Variants in EYA1 observed in about 807,000 individuals in gnomAD.
EYA1 encodes the protein protein phosphatase EYA1.
In EYA1, 16 loss-of-function variants were observed where a neutral mutation model predicts 82.0. The ratio of observed to expected loss-of-function variants is 0.20; its 90% CI spans 0.13 to 0.30. The LOEUF (loss-of-function observed/expected upper bound fraction) is 0.30, where lower values mean the gene tolerates loss of function less well. Ranked by LOEUF, EYA1 falls within the 10% of genes least tolerant of loss-of-function variation. The pLI is 1.00. For synonymous variants in EYA1, 261 were observed against 264.4 expected, an observed-to-expected ratio of 0.99 and a Z score of 0.12; for missense variants, 633 against 730.7, an observed-to-expected ratio of 0.87 and a Z score of 1.54.
intron 2 of EYA1, among the ~76,000 whole-genome samples, chr8:71,377,247 A>G (rs2129095985): frequency 6.6e-6 from 1 of 152,316 alleles, no homozygotes; most frequent in East Asian, 1.9e-4. Context: ...ATGTGGTGGA[A>G]GAGAAGTCGC....
intron 1 of EYA1, among the ~76,000 whole-genome samples, chr8:71,540,049 T>C (rs540240557): frequency 9.2e-5 from 14 of 152,176 alleles, no homozygotes; most frequent in Non-Finnish European, 1.6e-4. Context: ...TGATATTTTA[T>C]GCCCTATTGC....
At chr8:71,233,303 G>A (rs889811011) in intron 12 of EYA1, among the ~76,000 whole-genome samples, 2 of 152,036 alleles carry the variant, frequency 1.3e-5, no homozygotes, top group East Asian at 1.9e-4. Context: ...GGTGGCTCAT[G>A]CCTGTAATCC....
intron 2 of EYA1, among the ~76,000 whole-genome samples, chr8:71,445,305 T>C (rs1385523299): frequency 2.0e-5 from 3 of 152,164 alleles, no homozygotes; most frequent in Non-Finnish European, 2.9e-5. Context: ...ATACTTTCAC[T>C]AGTGATTTAA....
In EYA1 at chr8:71,321,737, A is replaced by T. The variant is rs763614581; in HGVS notation, c.415T>A (p.Tyr139Asn). 1.2e-6 allele frequency: 2 copies of T among 1,614,094 alleles called. No homozygotes were observed. The highest frequency in any genetic ancestry group is 3.3e-5 in the Admixed American group (2 of 60,024). Residue 139 changes from tyrosine (Y) to asparagine (N), a missense_variant, in exon 6 of 18, where the codon TAT (tyrosine) becomes AAT (asparagine). Coordinates refer to ENST00000340726, the MANE Select transcript of EYA1 (RefSeq NM_000503.6). ...QPGQPYGISS[Y>N]GALWAGIKTE... ...ACTACAGTTGCAGGTTACTCACCAT[A>T]TGAGGAAATGCCGTACGGCTGTCCT...
chr8:71,365,394 T>C (rs1827694796), upstream of EYA1, among the ~76,000 whole-genome samples: 1 of 152,158 alleles, frequency 6.6e-6, no homozygotes, highest in Admixed American at 6.6e-5. Flanking sequence ...TTTCTATGCT[T>C]CTTATGAGAT....
In EYA1 at chr8:71,417,163, AGAT is replaced by A. The variant is rs1372237091; in HGVS notation, c.34-60655_34-60653del. ...CTGGCTTCCTTGATCCTCAGCTTGCAGATGGCCTATTGTGGGACCTCACCTTGT... is the reference window on the plus strand; with the variant it reads ...CTGGCTTCCTTGATCCTCAGCTTGCAGGCCTATTGTGGGACCTCACCTTGT... On this transcript the variant is annotated intron_variant, in intron 2 of 18. Transcript: ENST00000643681. Among the ~76,000 whole-genome samples, 3 of 152,346 alleles carry A rather than the reference AGAT, an allele frequency of 2.0e-5. No homozygotes were observed. The East Asian group carries it at 5.8e-4, about 29-fold the overall frequency.
intron 9 of EYA1, among the ~76,000 whole-genome samples, chr8:71,272,574 G>C (rs1473350044): frequency 6.6e-6 from 1 of 152,046 alleles, no homozygotes; most frequent in African/African-American, 2.4e-5. Context: ...GTAACTCAGA[G>C]AAGCCACTAA....
upstream of EYA1, among the ~76,000 whole-genome samples, chr8:71,366,397 C>T (rs1827756279): frequency 6.6e-6 from 1 of 152,110 alleles, no homozygotes; most frequent in South Asian, 2.1e-4. Context: ...TTAATCTCAG[C>T]GATAAGTTAT....
chr8:71,307,768 C>T (rs955300909), intron 7 of EYA1, among the ~76,000 whole-genome samples: 3 of 152,188 alleles, frequency 2.0e-5, no homozygotes, highest in Admixed American at 6.5e-5. Context: ...CACATACCAT[C>T]GGAGCATGCC....
At chr8:71,294,470 A>ACAAG (rs1481687964) in intron 9 of EYA1, among the ~76,000 whole-genome samples, 1 of 151,614 alleles carries the variant, frequency 6.6e-6, no homozygotes. Flanking sequence ...AAACAAACAA[A>ACAAG]CAAAAAAAAC....
At chr8:71,334,309 T>C (rs1274715332) in intron 3 of EYA1, 135 bp from the exon 4 acceptor site, 3 of 763,304 alleles carry the variant, frequency 3.9e-6, no homozygotes, top group African/African-American at 1.7e-5. Flanking sequence ...ACATATATCA[T>C]AAGCATAAAT....
At position 71,361,832 on chromosome 8, in the gene EYA1, G is replaced by GCAGGCGC; in HGVS notation, c.-247_-241dup. On this transcript the variant is annotated 5_prime_UTR_variant, in exon 1 of 18. It removes the in-frame stop codon of an upstream open reading frame in the 5' UTR. Transcript: ENST00000340726. ...TGCAGGGGAAAGCTCGGCGCAGGGG[G>GCAGGCGC]CAGGCGCCTGGCCGCTGCCGCAGGC... The GCAGGCGC allele has an allele frequency of 1.0e-6, 1 of 985,452 alleles. No individual in the cohort carries two copies. The highest frequency in any genetic ancestry group is 1.2e-6 in the Non-Finnish European group (1 of 829,930). 61.0% of individuals were successfully genotyped at this position (985,452 alleles called of 1,614,324 possible). A position where few individuals can be genotyped will look rare whatever the true frequency, so the allele number is the denominator to read the frequency against.
intron 2 of EYA1, among the ~76,000 whole-genome samples, chr8:71,376,894 C>T (rs577601545): frequency 1.3e-5 from 2 of 152,222 alleles, no homozygotes; most frequent in South Asian, 4.1e-4. Context: ...TGCCCAGGCT[C>T]CCTCCGCAGA....
chr8:71,429,745 A>T (rs558348783), intron 2 of EYA1, among the ~76,000 whole-genome samples: 8 of 152,288 alleles, frequency 5.3e-5, no homozygotes, highest in African/African-American at 1.9e-4. Context: ...GTATTTCCAG[A>T]TAGCATTTCT....
At chr8:71,458,965 T>C (rs562325346) in intron 2 of EYA1, among the ~76,000 whole-genome samples, 1 of 152,212 alleles carries the variant, frequency 6.6e-6, no homozygotes, top group African/African-American at 2.4e-5. Flanking sequence ...TTCTATGACA[T>C]TGACAAGAGT....
intron 2 of EYA1, among the ~76,000 whole-genome samples, chr8:71,496,837 G>A (rs970996081): frequency 1.3e-4 from 19 of 151,048 alleles, no homozygotes; most frequent in Admixed American, 1.1e-3. Flanking sequence ...AAATTCTCAA[G>A]AGCCAGAAAA....
At chr8:71,278,374 T>C (rs1389715793) in intron 9 of EYA1, among the ~76,000 whole-genome samples, 2 of 152,234 alleles carry the variant, frequency 1.3e-5, no homozygotes, top group Non-Finnish European at 2.9e-5. Context: ...TGTTTTCTTA[T>C]ACATATTGCC....
At chr8:71,215,587 T>C in intron 15 of EYA1, 27 bp downstream of exon 15, 1 of 1,610,072 alleles carries the variant, frequency 6.2e-7, no homozygotes, top group Non-Finnish European at 8.5e-7. Context: ...GCCCATTTCC[T>C]GGCAAAGACC....
At chr8:71,502,792 C>A (rs1179130456) in intron 2 of EYA1, among the ~76,000 whole-genome samples, 2 of 152,152 alleles carry the variant, frequency 1.3e-5, no homozygotes, top group Non-Finnish European at 2.9e-5. Flanking sequence ...CGCCAGTCAA[C>A]AACTCTGCTA....
Sources: gnomAD v4.1 joint callset for allele counts (sites outside exome capture counted in the v4.1 genomes callset) on GRCh38, gnomAD v4.1.1 for gene constraint, MANE v1.5 for transcripts, NCBI Gene and HGNC (gene_info 2026-07-23, HGNC 2026-07-21) for gene names.